LEPR: variants seen among roughly 807,000 people sequenced by gnomAD.
LEPR encodes OB receptor.
A neutral mutation model predicts 114.7 loss-of-function variants in LEPR; 56 were observed. The ratio of observed to expected loss-of-function variants is 0.49; its 90% CI spans 0.39 to 0.61. The LOEUF (loss-of-function observed/expected upper bound fraction) is 0.61, where lower values mean the gene tolerates loss of function less well. Ranked by LOEUF, LEPR falls within the 20% of genes least tolerant of loss-of-function variation. The pLI, the probability that LEPR is intolerant of heterozygous loss-of-function variation, is 0.00. For missense variants in LEPR, 1,202 were observed against 1,352.9 expected (o/e 0.89, Z 1.75); for synonymous variants, 443 against 461.4 (o/e 0.96, Z 0.51).
At chr1:65,535,033 T>G (rs556747027) in intron 2 of LEPR, among the ~76,000 whole-genome samples, 20 of 152,272 alleles carry the variant, frequency 1.3e-4, no homozygotes, top group African/African-American at 4.8e-4. Context: ...CAATTAGATT[T>G]CTGTGCACAC....
rs763656775 is a variant in LEPR at position 65,429,863 on chromosome 1, G to A, written c.-21+4485G>A. On this transcript the variant is annotated intron_variant, in intron 2 of 19. Coordinates refer to ENST00000349533, the MANE Select transcript of LEPR (RefSeq NM_002303.6). ...ATTTTGCCTGGGTCCAACTGACAGCGTTTACTGGCCCTTATTCGTCCTGAT... is the reference window on the plus strand; with the variant it reads ...ATTTTGCCTGGGTCCAACTGACAGCATTTACTGGCCCTTATTCGTCCTGAT... 19 of 1,468,366 alleles carry A rather than the reference G, an allele frequency of 1.3e-5. No homozygotes were observed. Among genetic ancestry groups the A allele is most frequent in the Admixed American group, 4.0e-5 (2 of 50,590 alleles). 91.0% of individuals were successfully genotyped at this position (1,468,366 alleles called of 1,614,324 possible).
At chr1:65,617,755 A>C (rs894955747) in intron 15 of LEPR, among the ~76,000 whole-genome samples, 10 of 152,106 alleles carry the variant, frequency 6.6e-5, no homozygotes, top group Non-Finnish European at 1.5e-5. Flanking sequence ...AGGGAGTATC[A>C]TGTTTCTCTT....
At chr1:65,453,638 TGACA>T (rs1330541626) in intron 2 of LEPR, among the ~76,000 whole-genome samples, 2 of 152,240 alleles carry the variant, frequency 1.3e-5, no homozygotes, top group South Asian at 2.1e-4. Flanking sequence ...CACTGTGGTC[TGACA>T]GACAGTTTGT....
intron 2 of LEPR, among the ~76,000 whole-genome samples, chr1:65,538,427 G>A (rs1041980063): frequency 3.3e-5 from 5 of 151,978 alleles, no homozygotes; most frequent in South Asian, 2.1e-4. Flanking sequence ...TTGTAACCAC[G>A]ATTTCCTGAA....
At position 65,637,194 on chromosome 1, in the gene LEPR, C is replaced by CCAA; in HGVS notation, c.*179_*180insCAA. On this transcript the variant is annotated 3_prime_UTR_variant, in exon 20 of 20. Transcript: ENST00000349533. ...TAGACAAAAAATTTGAGAAAGCCTT[C>CCAA]ATAAGCCTACCAATGTAGACACGCT... 2 of 623,802 alleles carry CCAA rather than the reference C, an allele frequency of 3.2e-6. No individual in the cohort carries two copies. Among genetic ancestry groups the CCAA allele is most frequent in the Non-Finnish European group, 5.3e-6 (2 of 377,990 alleles). The allele number at this position is 623,802 out of a possible 1,614,324, so 38.6% of individuals were successfully genotyped here.
At chr1:65,553,038 T>G (rs1652525864) in intron 2 of LEPR, among the ~76,000 whole-genome samples, 1 of 152,210 alleles carries the variant, frequency 6.6e-6, no homozygotes, top group South Asian at 2.1e-4. Flanking sequence ...ATGTTGAATA[T>G]TGGCCCCCAC....
intron 2 of LEPR, among the ~76,000 whole-genome samples, chr1:65,507,521 GTGTATATATA>G (rs1345046768): frequency 1.9e-4 from 22 of 113,222 alleles, no homozygotes; most frequent in Middle Eastern, 5.4e-3. Context: ...ACATATATAT[GTGTATATATA>G]TGTGTGTATA....
At chr1:65,427,543 A>C (rs1274280326) in intron 2 of LEPR, among the ~76,000 whole-genome samples, 1 of 152,202 alleles carries the variant, frequency 6.6e-6, no homozygotes, top group Admixed American at 6.5e-5. Context: ...TGGGCGACAG[A>C]GTGAGACTTT....
chr1:65,570,632 C>A lies in LEPR; in HGVS notation c.200C>A (p.Ala67Asp), dbSNP rs573025358. ...TSNSNGHYET[A>D]VEPKFNSSGT... ...AATTCGAATGGACATTATGAGACAG[C>A]TGTTGAACCTAAGTTTAATTCAAGT... The change falls in exon 4 of 20, where the codon GCT (alanine) becomes GAT (aspartate). Residue 67 changes from alanine (A) to aspartate (D), a missense_variant. By Grantham distance (126) the Ala-to-Asp change is moderately radical. Coordinates refer to ENST00000349533, the MANE Select transcript of LEPR (RefSeq NM_002303.6). The A allele has an allele frequency of 1.5e-5, 24 of 1,613,834 alleles. No homozygotes were observed. Among genetic ancestry groups the A allele is most frequent in the Non-Finnish European group, 2.0e-5 (24 of 1,179,944 alleles).
intron 2 of LEPR, among the ~76,000 whole-genome samples, chr1:65,461,692 G>T (rs893111472): frequency 6.6e-6 from 1 of 152,226 alleles, no homozygotes. Flanking sequence ...CCACATTCAA[G>T]TGTGGGTTGC....
At chr1:65,432,388 A>G (rs971737163) in intron 2 of LEPR, 27 of 935,988 alleles carry the variant, frequency 2.9e-5, no homozygotes, top group African/African-American at 3.6e-5. Context: ...CCTTATTAGA[A>G]ATGCAGAATC....
At chr1:65,550,799 G>A (rs536066972) in intron 2 of LEPR, among the ~76,000 whole-genome samples, 5 of 152,116 alleles carry the variant, frequency 3.3e-5, no homozygotes, top group Non-Finnish European at 5.9e-5. Context: ...CCCTGCTTTG[G>A]CTCGCGCACA....
At chr1:65,590,535 G>A (rs1288697157) in intron 5 of LEPR, among the ~76,000 whole-genome samples, 1 of 151,678 alleles carries the variant, frequency 6.6e-6, no homozygotes. Context: ...GAGAGCTGAT[G>A]GTTTTATAAG....
intron 2 of LEPR, among the ~76,000 whole-genome samples, chr1:65,560,589 T>G: frequency 1.8e-5 from 1 of 55,340 alleles, no homozygotes; most frequent in Non-Finnish European, 3.4e-5. Context: ...CAACACTATG[T>G]TGAATAGGAG....
intron 2 of LEPR, among the ~76,000 whole-genome samples, chr1:65,559,713 G>C (rs1284054604): frequency 7.4e-6 from 1 of 134,414 alleles, no homozygotes; most frequent in Non-Finnish European, 1.6e-5. Flanking sequence ...AATCCATCTT[G>C]AATTGATTTT....
chr1:65,636,237 C>T lies in LEPR; in HGVS notation c.2720C>T (p.Thr907Ile), dbSNP rs774053665. The change falls in exon 20 of 20, where the codon ACA becomes ATA. Residue 907 changes from threonine (T) to isoleucine (I), a missense_variant. Physicochemically the swap from Thr to Ile is moderately conservative, Grantham distance 89. Transcript: ENST00000349533. ...TTTATCAAGCATACAGCATCAGTGACATGTGGTCCTCTTCTTTTGGAGCCT... is the reference window on the plus strand; with the variant it reads ...TTTATCAAGCATACAGCATCAGTGATATGTGGTCCTCTTCTTTTGGAGCCT... ...HLFIKHTASV[T>I]CGPLLLEPET... 4.3e-6 allele frequency: 7 copies of T among 1,613,808 alleles called. No homozygotes were observed. The highest frequency in any genetic ancestry group is 2.7e-5 in the African/African-American group (2 of 74,906).
intron 6 of LEPR, among the ~76,000 whole-genome samples, chr1:65,594,455 G>A (rs1655913553): frequency 6.6e-6 from 1 of 152,050 alleles, no homozygotes; most frequent in African/African-American, 2.4e-5. Context: ...GGACTGTCTA[G>A]TGGATGGAGT....
Position 65,633,840 on chromosome 1 carries a change from GT to G in LEPR, c.2674-2348del, listed in dbSNP as rs1356189181. On this transcript the variant is annotated intron_variant, in intron 19 of 19. Coordinates refer to ENST00000349533, the MANE Select transcript of LEPR (RefSeq NM_002303.6). This position sits in a 1 kb window ranked among gnomAD's most constrained non-coding sequence, Gnocchi z 4.1. ...CAGTTAAAAGGAAGCCCGAAGTTGT[GT>G]TTGTGCTGCCCACAGGACAGTGGGA... is the stretch of plus-strand genomic sequence containing the variant. 1.0e-6 allele frequency: 1 copy of G among 985,522 alleles called. No homozygotes were observed. Among genetic ancestry groups the G allele is most frequent in the Non-Finnish European group, 1.2e-6 (1 of 830,136 alleles). The allele number at this position is 985,522 out of a possible 1,614,324, so 61.0% of individuals were successfully genotyped here.
chr1:65,532,596 T>TGATGA (rs1650480141), intron 2 of LEPR, among the ~76,000 whole-genome samples: 1 of 152,222 alleles, frequency 6.6e-6, no homozygotes, highest in South Asian at 2.1e-4. Context: ...GTCCATACAC[T>TGATGA]GATGAATGGA....
Sources: allele counts gnomAD v4.1 joint callset (sites outside exome capture counted in the v4.1 genomes callset), GRCh38; gene constraint gnomAD v4.1.1; non-coding constraint Gnocchi (gnomAD v3.1); transcripts MANE v1.5; gene names NCBI Gene and HGNC (gene_info 2026-07-23, HGNC 2026-07-21).